XXYLT1: variants seen among roughly 807,000 people sequenced by gnomAD.
The protein encoded by XXYLT1 is xyloside xylosyltransferase 1, also known as UDP-xylose:alpha-xyloside alpha-1,3-xylosyltransferase.
A neutral mutation model predicts 28.9 loss-of-function variants in XXYLT1; 20 were observed. That is an observed-to-expected ratio of 0.69 (90% CI 0.49 to 1.00). The LOEUF is 1.00. Ranked by LOEUF, XXYLT1 falls within the 50% of genes least tolerant of loss-of-function variation. XXYLT1 has a pLI of 0.00. For synonymous variants in XXYLT1, 257 were observed against 253.8 expected (o/e 1.01, Z -0.12); for missense variants, 542 against 560.1 (o/e 0.97, Z 0.33).
chr3:195,249,741 C>T lies in XXYLT1; in HGVS notation c.504+20814G>A, dbSNP rs114145203. On this transcript the variant is annotated intron_variant, in intron 1 of 3. Transcript: ENST00000310380. ...GGGCACAGCTCCCACTGAGCCTGCT[C>T]ACTACAAACCCAAGCGCTGTCAAAA... 8.1e-3 allele frequency among the ~76,000 whole-genome samples: 1,232 copies of T among 152,342 alleles called. 13 individuals are homozygous for T. The highest frequency in any genetic ancestry group is 0.028 in the African/African-American group (1,167 of 41,570).
At chr3:195,235,891 T>TATAGAC (rs3988214) in intron 1 of XXYLT1, among the ~76,000 whole-genome samples, 9,966 of 144,774 alleles carry the variant, frequency 0.069, 482 homozygotes, top group East Asian at 0.25. Flanking sequence ...TCTATAAATA[T>TATAGAC]ATAGACATAG....
At chr3:195,121,117 A>G (rs1718337379) in intron 3 of XXYLT1, among the ~76,000 whole-genome samples, 1 of 152,180 alleles carries the variant, frequency 6.6e-6, no homozygotes, top group Non-Finnish European at 1.5e-5. Flanking sequence ...ACCACAGCAC[A>G]CCGGCCATGC....
intron 3 of XXYLT1, among the ~76,000 whole-genome samples, chr3:195,154,703 G>C (rs1577087743): frequency 1.3e-5 from 2 of 152,332 alleles, no homozygotes; most frequent in Middle Eastern, 6.8e-3. Context: ...AAGTCACACA[G>C]CACGTTTGAT....
At chr3:195,157,367 C>T (rs567506292) in intron 2 of XXYLT1, among the ~76,000 whole-genome samples, 13 of 152,006 alleles carry the variant, frequency 8.6e-5, no homozygotes, top group South Asian at 4.2e-4. Flanking sequence ...TTTATCAGTG[C>T]GTTCTGCAAA....
At chr3:195,146,168 T>C (rs375493946) in intron 3 of XXYLT1, among the ~76,000 whole-genome samples, 2 of 152,210 alleles carry the variant, frequency 1.3e-5, no homozygotes, top group East Asian at 1.9e-4. Context: ...TGGAGCCATA[T>C]AGAAATTCCC....
intron 2 of XXYLT1, among the ~76,000 whole-genome samples, chr3:195,219,818 G>C (rs1723741808): frequency 6.6e-6 from 1 of 152,220 alleles, no homozygotes; most frequent in Admixed American, 6.5e-5. Context: ...AGGAGGCCAG[G>C]AGAGCTGGAT....
chr3:195,080,939 G>A (rs549013315), intron 3 of XXYLT1, among the ~76,000 whole-genome samples: 132 of 152,334 alleles, frequency 8.7e-4, no homozygotes, highest in African/African-American at 3.1e-3. Context: ...CAGAAAAAGT[G>A]GAGCGCCCTC....
At position 195,180,560 on chromosome 3, in the gene XXYLT1, C is replaced by T. The variant is rs1721899070; in HGVS notation, c.653-23979G>A. The stretch of plus-strand genomic sequence containing the variant: ...ACAGATAAGGGTCAGCATCTGAGGC[C>T]AGACCCTAAGGCCCTTCCCAGCCCT... On this transcript the variant is annotated intron_variant, in intron 2 of 3. Coordinates refer to ENST00000310380, the MANE Select transcript of XXYLT1 (RefSeq NM_152531.5). The surrounding 1 kb of genome is among the most constrained non-coding windows in gnomAD (Gnocchi z 5.8). The T allele has an allele frequency of 1.0e-6, 1 of 985,504 alleles. No individual in the cohort carries two copies. Among genetic ancestry groups the T allele is most frequent in the Non-Finnish European group, 1.2e-6 (1 of 829,964 alleles). The allele number at this position is 985,504 out of a possible 1,614,324, so 61.0% of individuals were successfully genotyped here.
At chr3:195,241,982 C>A (rs1371204708) in intron 1 of XXYLT1, among the ~76,000 whole-genome samples, 1 of 152,236 alleles carries the variant, frequency 6.6e-6, no homozygotes, top group Admixed American at 6.5e-5. Flanking sequence ...CAGCTCCCAG[C>A]CAGCCTGTAA....
chr3:195,096,864 TCA>T (rs1560092207), intron 3 of XXYLT1, among the ~76,000 whole-genome samples: 2 of 152,238 alleles, frequency 1.3e-5, no homozygotes, highest in Admixed American at 6.5e-5. Context: ...TAATGCCCAC[TCA>T]GTCTTCCAAA....
chr3:195,143,798 A>ATATATC (rs1719624486), intron 3 of XXYLT1, among the ~76,000 whole-genome samples: 2 of 104,550 alleles, frequency 1.9e-5, no homozygotes, highest in Non-Finnish European at 3.8e-5. Context: ...ATATATATAT[A>ATATATC]TAGATAGATA....
chr3:195,140,538 G>T (rs1214059788), intron 3 of XXYLT1, among the ~76,000 whole-genome samples: 1 of 152,170 alleles, frequency 6.6e-6, no homozygotes, highest in African/African-American at 2.4e-5. Context: ...CAGTTCTGCA[G>T]ACTGTACAGG....
rs1715180726 is a variant in XXYLT1, at chr3:195,077,353, C to T, written c.786-7242G>A. ...TAACATGGATGGAATGGGGAAGATG[C>T]CCCCACTGGGCTGGTCCGGGACTCT... On this transcript the variant is annotated intron_variant, in intron 3 of 3. Coordinates refer to ENST00000310380, the MANE Select transcript of XXYLT1 (RefSeq NM_152531.5). This position sits in a 1 kb window ranked among gnomAD's most constrained non-coding sequence, Gnocchi z 4.8. Among the ~76,000 whole-genome samples, 1 of 152,202 alleles carries T rather than the reference C, an allele frequency of 6.6e-6. No homozygotes were observed. Among genetic ancestry groups the T allele is most frequent in the African/African-American group, 2.4e-5 (1 of 41,468 alleles).
chr3:195,169,554 C>T (rs1211510759), intron 2 of XXYLT1, among the ~76,000 whole-genome samples: 1 of 152,206 alleles, frequency 6.6e-6, no homozygotes, highest in Non-Finnish European at 1.5e-5. Flanking sequence ...TGCGGTTCCA[C>T]TTCACAATTT....
chr3:195,077,949 T>TG lies in XXYLT1; in HGVS notation c.786-7839dup, dbSNP rs1715217627. Among the ~76,000 whole-genome samples, 1 of 152,040 alleles carries TG rather than the reference T, an allele frequency of 6.6e-6. No homozygotes were observed. Among genetic ancestry groups the TG allele is most frequent in the African/African-American group, 2.4e-5 (1 of 41,382 alleles). The stretch of plus-strand genomic sequence containing the variant: ...GCAGCCCTGGAGCTGTAAAAACAGA[T>TG]GGGCAGGGACTGGGGAACTCACCCT... On this transcript the variant is annotated intron_variant, in intron 3 of 3. Transcript: ENST00000310380. This position sits in a 1 kb window ranked among gnomAD's most constrained non-coding sequence, Gnocchi z 4.8.
chr3:195,112,488 GGACACATGCACACACCCA>G (rs1717789297), intron 3 of XXYLT1, among the ~76,000 whole-genome samples: 1 of 103,082 alleles, frequency 9.7e-6, no homozygotes, highest in Admixed American at 1.1e-4. Flanking sequence ...ACACACGCAT[GGACACATGCACACACCCA>G]CACACACCCA....
At chr3:195,088,240 AC>A (rs1715889501) in intron 3 of XXYLT1, among the ~76,000 whole-genome samples, 1 of 151,476 alleles carries the variant, frequency 6.6e-6, no homozygotes, top group Admixed American at 6.6e-5. Context: ...CAGGGCACAG[AC>A]AAACAAAAAG....
chr3:195,110,859 G>GTGGTGTA (rs1553804050), intron 3 of XXYLT1, among the ~76,000 whole-genome samples: 1 of 99,218 alleles, frequency 1.0e-5, no homozygotes, highest in Admixed American at 9.6e-5. Flanking sequence ...TGTTGTATAA[G>GTGGTGTA]TGTGTGTGTG....
chr3:195,262,711 G>T (rs1725732631), intron 1 of XXYLT1, among the ~76,000 whole-genome samples: 3 of 152,012 alleles, frequency 2.0e-5, no homozygotes, highest in Admixed American at 2.0e-4. Flanking sequence ...CATACTTGCG[G>T]GCTTCTCCAG....
Sources: allele counts gnomAD v4.1 joint callset (sites outside exome capture counted in the v4.1 genomes callset), GRCh38; gene constraint gnomAD v4.1.1; non-coding constraint Gnocchi (gnomAD v3.1); transcripts MANE v1.5; gene names NCBI Gene and HGNC (gene_info 2026-07-23, HGNC 2026-07-21).